Variants in ROBO2 observed in about 807,000 individuals in gnomAD.
ROBO2 encodes roundabout homolog 2.
ROBO2 carries 53 observed loss-of-function variants against 160.8 expected under a neutral mutation model. The ratio of observed to expected loss-of-function variants is 0.33; its 90% CI spans 0.26 to 0.41. ROBO2 has a LOEUF of 0.41. ROBO2 is among the 10% of genes least tolerant of loss of function. The pLI, the probability that ROBO2 is intolerant of heterozygous loss-of-function variation, is 1.00. For synonymous variants in ROBO2, 664 were observed against 611.7 expected (o/e 1.09, Z -1.26); for missense variants, 1,577 against 1,722.4 (o/e 0.92, Z 1.49).
intron 2 of ROBO2, among the ~76,000 whole-genome samples, chr3:76,987,586 G>T (rs2060451248): frequency 6.6e-6 from 1 of 152,004 alleles, no homozygotes; most frequent in African/African-American, 2.4e-5. Context: ...AATAATTCAT[G>T]CACTTCTAAA....
intron 2 of ROBO2, among the ~76,000 whole-genome samples, chr3:77,195,477 A>G (rs551906619): frequency 6.6e-6 from 1 of 152,346 alleles, no homozygotes; most frequent in East Asian, 1.9e-4. Flanking sequence ...ACTGACAGTA[A>G]AATTGCAAAT....
At chr3:76,355,896 A>G (rs1045087960) in intron 2 of ROBO2, among the ~76,000 whole-genome samples, 1 of 151,766 alleles carries the variant, frequency 6.6e-6, no homozygotes, top group African/African-American at 2.4e-5. Context: ...GCACACTTGG[A>G]GTACAACTAT....
Position 77,359,306 on chromosome 3 carries a change from A to G in ROBO2, c.389-118108A>G, listed in dbSNP as rs565630785. 7.2e-5 allele frequency among the ~76,000 whole-genome samples: 11 copies of G among 152,310 alleles called. No homozygotes were observed. The East Asian group carries it at 1.7e-3, about 24-fold the overall frequency. On this transcript the variant is annotated intron_variant, in intron 2 of 25. Coordinates refer to ENST00000461745, the Ensembl canonical transcript of ROBO2. ...GTGTGGGCTTAGAGGGCTGGGAACT[A>G]TCATAGACTGTGGCTGGAGTGTGAT...
rs548089824 is a variant in ROBO2 at position 77,289,342 on chromosome 3, A to G, written c.389-188072A>G. ...TAGAGCACCAAAGACATAAAGTAAA[A>G]TTGACGGTTAAACGGGTAAGCTGAG... is the stretch of plus-strand genomic sequence containing the variant. On this transcript the variant is annotated intron_variant, in intron 2 of 25. Transcript: ENST00000461745. Among the ~76,000 whole-genome samples the G allele has an allele frequency of 3.3e-5, 5 of 152,252 alleles. No individual in the cohort carries two copies. In the East Asian group the frequency reaches 7.8e-4, roughly 24 times the overall value.
intron 2 of ROBO2, among the ~76,000 whole-genome samples, chr3:76,071,872 T>TA (rs2068466658): frequency 6.6e-6 from 1 of 152,148 alleles, no homozygotes; most frequent in Non-Finnish European, 1.5e-5. Flanking sequence ...AATGTCAAGC[T>TA]AACACCTCTT....
chr3:77,231,228 T>C (rs1263951773), intron 2 of ROBO2, among the ~76,000 whole-genome samples: 1 of 151,794 alleles, frequency 6.6e-6, no homozygotes, highest in Admixed American at 6.6e-5. Flanking sequence ...CCAGTTGTGG[T>C]GGTGGGCACC....
At chr3:77,279,343 G>C (rs2060097303) in intron 2 of ROBO2, among the ~76,000 whole-genome samples, 1 of 151,972 alleles carries the variant, frequency 6.6e-6, no homozygotes, top group African/African-American at 2.4e-5. Flanking sequence ...GCTTATACGG[G>C]AAACATTATG....
At chr3:77,064,021 A>G (rs2066587383) in intron 1 of ROBO2, among the ~76,000 whole-genome samples, 2 of 152,082 alleles carry the variant, frequency 1.3e-5, no homozygotes, top group African/African-American at 2.4e-5. Context: ...GGGTAAATCT[A>G]TTTTCTTCAT....
chr3:76,793,903 G>C (rs1164925811), intron 2 of ROBO2, among the ~76,000 whole-genome samples: 1 of 151,814 alleles, frequency 6.6e-6, no homozygotes, highest in Non-Finnish European at 1.5e-5. Context: ...GTAGCATTCT[G>C]GTTTCAAATC....
At chr3:76,283,153 A>ATATATATATATATATATAT (rs1559717396) in intron 2 of ROBO2, among the ~76,000 whole-genome samples, 484 of 12,012 alleles carry the variant, frequency 0.04, 9 homozygotes, top group African/African-American at 0.055. Flanking sequence ...TATATATATA[A>ATATATATATATATATATAT]AACTACATAT....
rs572973824 is a variant in ROBO2 at position 76,397,716 on chromosome 3, A to G, written c.109+460114A>G. On this transcript the variant is annotated intron_variant, in intron 2 of 26. Coordinates refer to the ROBO2 transcript ENST00000487694. ...AGACATTTATGTAGCCAAAAAACAC[A>G]TGAAAAAATGCTCACCATCACTGGC... 3.2e-4 allele frequency among the ~76,000 whole-genome samples: 48 copies of G among 152,310 alleles called. No individual in the cohort carries two copies. The East Asian group carries it at 4.6e-3, about 15-fold the overall frequency.
chr3:77,287,531 G>A (rs12497639), intron 2 of ROBO2, among the ~76,000 whole-genome samples: 46,783 of 152,004 alleles, frequency 0.31, 8,667 homozygotes, highest in Middle Eastern at 0.46. Context: ...CTTGAAGCAC[G>A]TATTATTTCT....
intron 25 of ROBO2, among the ~76,000 whole-genome samples, chr3:77,645,418 A>C (rs1220368773): frequency 1.3e-5 from 2 of 152,196 alleles, no homozygotes; most frequent in Non-Finnish European, 2.9e-5. Context: ...TATGAATGAA[A>C]ACTGGCATAG....
chr3:76,825,893 C>A (rs1226559817), intron 2 of ROBO2, among the ~76,000 whole-genome samples: 1 of 151,982 alleles, frequency 6.6e-6, no homozygotes, highest in African/African-American at 2.4e-5. Context: ...AAAAGCATTT[C>A]TCTTGTGCAT....
At chr3:76,878,152 T>A (rs994271487) in intron 2 of ROBO2, among the ~76,000 whole-genome samples, 9 of 151,944 alleles carry the variant, frequency 5.9e-5, no homozygotes, top group African/African-American at 1.9e-4. Context: ...TGAGCACATT[T>A]AAGTTAAAAA....
At chr3:77,117,838 T>C (rs891425459) in intron 2 of ROBO2, among the ~76,000 whole-genome samples, 4 of 152,186 alleles carry the variant, frequency 2.6e-5, no homozygotes. Flanking sequence ...AATATTTATG[T>C]GTGCTGTCAT....
At chr3:77,039,965 T>C in exon 1 of ROBO2, 2 of 360,988 alleles carry the variant, frequency 5.5e-6, no homozygotes, top group Non-Finnish European at 7.7e-6. Flanking sequence ...CTCACGCCCG[T>C]CTCTGCTCGC....
At chr3:76,722,014 T>A (rs894373808) in intron 2 of ROBO2, among the ~76,000 whole-genome samples, 2 of 152,222 alleles carry the variant, frequency 1.3e-5, no homozygotes, top group Admixed American at 6.5e-5. Flanking sequence ...TAGGTGGGAC[T>A]TCTATGACTG....
chr3:76,561,688 G>A (rs2084193872), intron 2 of ROBO2, among the ~76,000 whole-genome samples: 1 of 152,148 alleles, frequency 6.6e-6, no homozygotes, highest in Non-Finnish European at 1.5e-5. Flanking sequence ...ACTGGGATAA[G>A]ACAAACATTC....
Sources: allele counts gnomAD v4.1 joint callset (sites outside exome capture counted in the v4.1 genomes callset), GRCh38; gene constraint gnomAD v4.1.1; transcripts MANE v1.5; gene names NCBI Gene and HGNC (gene_info 2026-07-23, HGNC 2026-07-21).